The following DNM2 variants were observed in gnomAD, a reference collection of about 807,000 sequenced individuals.
DNM2 encodes dynamin-2.
In DNM2, 15 loss-of-function variants were observed where a neutral mutation model predicts 99.0. The observed-to-expected ratio is 0.15, with a 90% confidence interval of 0.10 to 0.23. DNM2 has a LOEUF of 0.23. DNM2 is among the 10% of genes least tolerant of loss of function. The pLI, the probability that DNM2 is intolerant of heterozygous loss-of-function variation, is 1.00. For synonymous variants in DNM2, 525 were observed against 481.2 expected, an observed-to-expected ratio of 1.09 and a Z score of -1.19; for missense variants, 742 against 1,189.4, an observed-to-expected ratio of 0.62 and a Z score of 5.53.
At chr19:10,740,669 G>A (rs576817344) in intron 1 of DNM2, among the ~76,000 whole-genome samples, 7 of 152,260 alleles carry the variant, frequency 4.6e-5, no homozygotes, top group South Asian at 2.1e-4. Context: ...AAGCCACCGC[G>A]CCCGGCCAAA....
intron 6 of DNM2, among the ~76,000 whole-genome samples, chr19:10,785,716 C>T (rs773815566): frequency 4.6e-5 from 7 of 152,102 alleles, no homozygotes; most frequent in Non-Finnish European, 1.0e-4. Context: ...GGATTACAGG[C>T]GTGAGCCACT....
At chr19:10,809,539 A>G (rs1360017903) in intron 14 of DNM2, 1 of 152,414 alleles carries the variant, frequency 6.6e-6, no homozygotes, top group East Asian at 1.9e-4. Context: ...GTGGGGCGTG[A>G]GATGGGCGTG....
rs587783596 is a variant in DNM2, at chr19:10,812,273, A to C, written c.1567A>C (p.Arg523=). The part of the protein sequence containing the change: ...PNQGEILVIR[R]GWLTINNISL... ...GCGCGCTTTCCCCCAGGTGATCCGC[A>C]GGGGCTGGCTGACCATCAACAACAT... The change falls in exon 15 of 21, where the codon AGG becomes CGG. Residue 523 remains arginine, a synonymous_variant. Transcript: ENST00000389253. This position sits in a 1 kb window ranked among gnomAD's most constrained non-coding sequence, Gnocchi z 4.0. 1 of 1,602,028 alleles carries C rather than the reference A, an allele frequency of 6.2e-7. No homozygotes were observed. Among genetic ancestry groups the C allele is most frequent in the African/African-American group, 1.3e-5 (1 of 74,682 alleles).
chr19:10,801,245 G>A (rs1354702388), intron 11 of DNM2, among the ~76,000 whole-genome samples: 1 of 152,128 alleles, frequency 6.6e-6, no homozygotes, highest in Non-Finnish European at 1.5e-5. Flanking sequence ...GGCAGAGGTT[G>A]CAGTGAGCCG....
intron 1 of DNM2, among the ~76,000 whole-genome samples, chr19:10,745,196 A>G (rs2069920702): frequency 6.6e-6 from 1 of 152,190 alleles, no homozygotes; most frequent in African/African-American, 2.4e-5. Context: ...CAGTCCGTGC[A>G]TCGCACTTGA....
chr19:10,801,918 A>C lies in DNM2; in HGVS notation c.1423-370A>C, dbSNP rs141603770. Among the ~76,000 whole-genome samples the C allele has an allele frequency of 5.2e-3, 791 of 151,906 alleles. 10 individuals are homozygous for C. The highest frequency in any genetic ancestry group is 0.018 in the African/African-American group (752 of 41,414). ...AGACTCCGTCTCGAAGAAAAAAAAA[A>C]AAAAAACAAAAAAAACAACTGCACA... On this transcript the variant is annotated intron_variant, in intron 11 of 20. Coordinates refer to ENST00000389253, the MANE Select transcript of DNM2 (RefSeq NM_001005361.3).
intron 11 of DNM2, among the ~76,000 whole-genome samples, chr19:10,799,885 C>T (rs2072075764): frequency 1.3e-5 from 2 of 151,748 alleles, no homozygotes; most frequent in Non-Finnish European, 2.9e-5. Context: ...CATGCAAGCA[C>T]ACACCCCAAG....
intron 15 of DNM2, among the ~76,000 whole-genome samples, chr19:10,813,438 T>G (rs1342195782): frequency 6.6e-6 from 1 of 152,264 alleles, no homozygotes; most frequent in Non-Finnish European, 1.5e-5. Flanking sequence ...GAGTATGTAA[T>G]GATCACGGCA....
rs149028497 is a variant in DNM2, at chr19:10,817,199, A to G, written c.1672-2781A>G. 9.2e-4 allele frequency among the ~76,000 whole-genome samples: 140 copies of G among 152,280 alleles called. No individual in the cohort carries two copies. The highest frequency in any genetic ancestry group is 3.3e-3 in the African/African-American group (136 of 41,562). On this transcript the variant is annotated intron_variant, in intron 15 of 20. Coordinates refer to ENST00000389253, the MANE Select transcript of DNM2 (RefSeq NM_001005361.3). The surrounding 1 kb of genome is among the most constrained non-coding windows in gnomAD (Gnocchi z 4.6). ...TCTTTATTTAAAAAATAAACAAGAC[A>G]TTTACAGCCATGGGGTGGGGATGGC...
chr19:10,736,446 G>C lies in DNM2; in HGVS notation c.161+18043G>C, dbSNP rs557773033. 3.3e-5 allele frequency among the ~76,000 whole-genome samples: 5 copies of C among 152,250 alleles called. No individual in the cohort carries two copies. In the South Asian group the frequency reaches 8.3e-4, roughly 25 times the overall value. ...TTGCTGTAGCTTTATAGTAAGACTTGAAATCAGGCCATGTGAGTCCTCTTT... is the reference window on the plus strand; with the variant it reads ...TTGCTGTAGCTTTATAGTAAGACTTCAAATCAGGCCATGTGAGTCCTCTTT... On this transcript the variant is annotated intron_variant, in intron 1 of 20. Transcript: ENST00000389253.
chr19:10,802,248 G>T (rs1366161080), intron 11 of DNM2, 40 bp from the exon 12 acceptor site: 1 of 1,611,986 alleles, frequency 6.2e-7, no homozygotes, highest in South Asian at 1.1e-5. Flanking sequence ...CCCTTGCCAG[G>T]CTTGGCCTTG....
At chr19:10,729,113 C>T (rs574993211) in intron 1 of DNM2, among the ~76,000 whole-genome samples, 4 of 100,232 alleles carry the variant, frequency 4.0e-5, no homozygotes, top group Admixed American at 1.4e-4. Context: ...TGCAGTGAGC[C>T]GAGATCGCAC....
chr19:10,772,485 C>T lies in DNM2; in HGVS notation c.242C>T (p.Ala81Val). Residue 81 changes from alanine to valine, a missense_variant, in exon 3 of 21, where the codon GCC becomes GTC. Ala to Val is a moderately conservative substitution (Grantham distance 64, BLOSUM62 0). This residue lies in a region of DNM2 where 192 missense variants were observed against 358.9 expected (regional missense o/e 0.54). Transcript: ENST00000389253. This position sits in a 1 kb window ranked among gnomAD's most constrained non-coding sequence, Gnocchi z 4.9. ...ATCTCTCTTCCCTTTCTAGAACATG[C>T]CGAGTTTTTGCACTGCAAGTCCAAA... is the stretch of plus-strand genomic sequence containing the variant. ...LQLIFSKTEH[A>V]EFLHCKSKKF... The T allele has an allele frequency of 1.2e-6, 2 of 1,614,068 alleles. No individual in the cohort carries two copies. The highest frequency in any genetic ancestry group is 1.3e-5 in the African/African-American group (1 of 75,038).
chr19:10,729,201 T>G (rs1246078473), intron 1 of DNM2, among the ~76,000 whole-genome samples: 1 of 123,004 alleles, frequency 8.1e-6, no homozygotes, highest in Non-Finnish European at 1.7e-5. Flanking sequence ...TATAAAAAAT[T>G]AGCCAAGCAT....
Position 10,831,083 on chromosome 19 carries a change from G to A in DNM2, c.*36G>A, listed in dbSNP as rs770527645. 1.9e-5 allele frequency: 30 copies of A among 1,566,442 alleles called. No homozygotes were observed. The highest frequency in any genetic ancestry group is 2.7e-5 in the African/African-American group (2 of 73,780). On this transcript the variant is annotated 3_prime_UTR_variant, in exon 21 of 21. Transcript: ENST00000389253. This position sits in a 1 kb window ranked among gnomAD's most constrained non-coding sequence, Gnocchi z 4.3. ...GGGCGTGCTCTCGGGGGGGCCTCAC[G>A]CACCCGCGGCGCAGGAGCTTCAGTG...
In DNM2 at chr19:10,799,500, G is replaced by A. The variant is rs182393096; in HGVS notation, c.1422+928G>A. 2.0e-5 allele frequency among the ~76,000 whole-genome samples: 3 copies of A among 151,984 alleles called. No homozygotes were observed. The East Asian group carries it at 5.8e-4, about 29-fold the overall frequency. The stretch of plus-strand genomic sequence containing the variant: ...AAGGACCTCCACTTGCCTGCTGGAG[G>A]GTGTTTGGGGTGCTTTTTGTGTTGT... On this transcript the variant is annotated intron_variant, in intron 11 of 20. Coordinates refer to ENST00000389253, the MANE Select transcript of DNM2 (RefSeq NM_001005361.3).
In DNM2 at chr19:10,817,302, C is replaced by T. The variant is rs2072781339; in HGVS notation, c.1672-2678C>T. 4 of 402,894 alleles carry T rather than the reference C, an allele frequency of 9.9e-6. No individual in the cohort carries two copies. The highest frequency in any genetic ancestry group is 4.2e-5 in the African/African-American group (2 of 47,996). 25.0% of individuals were successfully genotyped at this position (402,894 alleles called of 1,614,324 possible). On this transcript the variant is annotated intron_variant, in intron 15 of 20. Coordinates refer to ENST00000389253, the MANE Select transcript of DNM2 (RefSeq NM_001005361.3). The surrounding 1 kb of genome is among the most constrained non-coding windows in gnomAD (Gnocchi z 4.6). ...TGCCTTTCCCCAGTGCCTCTTCTCC[C>T]ACCCAGGCCCTCGAATCTTCTATGC...
chr19:10,781,635 G>C (rs1202312176), intron 5 of DNM2: 1 of 152,176 alleles, frequency 6.6e-6, no homozygotes, highest in South Asian at 2.1e-4. Context: ...ACAAAAATTA[G>C]CCAGGCGTGG....
chr19:10,742,072 G>C (rs1283479065), intron 1 of DNM2, among the ~76,000 whole-genome samples: 1 of 151,248 alleles, frequency 6.6e-6, no homozygotes, highest in Non-Finnish European at 1.5e-5. Context: ...CTTTTTTATA[G>C]CTGCAAGTAT....
Sources: gnomAD v4.1 joint callset for allele counts (sites outside exome capture counted in the v4.1 genomes callset) on GRCh38, gnomAD v4.1.1 for gene constraint, gnomAD v4.1.1 regional missense constraint, Gnocchi (gnomAD v3.1) non-coding constraint, MANE v1.5 for transcripts, NCBI Gene and HGNC (gene_info 2026-07-23, HGNC 2026-07-21) for gene names.